Variants in KCNMA1 observed in about 807,000 individuals in gnomAD.
KCNMA1 encodes Calcium-activated potassium channel subunit alpha-1.
Under a neutral mutation model 140.0 loss-of-function variants are expected in KCNMA1, and 29 were observed. That is an observed-to-expected ratio of 0.21 (90% confidence interval 0.15 to 0.28). KCNMA1 has a LOEUF of 0.28. Among genes scored for constraint, KCNMA1 ranks in the 10% least tolerant of loss-of-function variants. The probability of loss-of-function intolerance (pLI) is 1.00; values close to 1 mark genes in which losing one functional copy is unlikely to be tolerated. For missense variants in KCNMA1, 880 were observed against 1,602.2 expected (o/e 0.55, Z 7.70); for synonymous variants, 612 against 611.9 (o/e 1.00, Z 0.00).
intron 2 of KCNMA1, among the ~76,000 whole-genome samples, chr10:77,382,729 G>C (rs916093410): frequency 7.9e-5 from 12 of 151,194 alleles, no homozygotes; most frequent in African/African-American, 2.9e-4. Context: ...GCTCGGTGTG[G>C]TGGTGGGTGC....
intron 23 of KCNMA1, among the ~76,000 whole-genome samples, chr10:76,940,991 G>GGA (rs2061809146): frequency 4.7e-5 from 3 of 63,444 alleles, no homozygotes; most frequent in African/African-American, 1.6e-4. Context: ...GAGAGAAAGA[G>GGA]AGAAAGAAAG....
intron 23 of KCNMA1, among the ~76,000 whole-genome samples, chr10:76,933,790 T>C (rs181009419): frequency 7.4e-4 from 113 of 152,288 alleles, no homozygotes; most frequent in African/African-American, 2.6e-3. Flanking sequence ...ATCCTGCTTT[T>C]CTGGAATTCA....
At chr10:77,476,845 T>C (rs2098290703) in intron 1 of KCNMA1, among the ~76,000 whole-genome samples, 1 of 152,228 alleles carries the variant, frequency 6.6e-6, no homozygotes, top group Admixed American at 6.5e-5. Context: ...TACTGACTTA[T>C]ATGCCATAAA....
At chr10:77,523,952 G>T (rs1353963945) in intron 1 of KCNMA1, among the ~76,000 whole-genome samples, 1 of 152,090 alleles carries the variant, frequency 6.6e-6, no homozygotes, top group Non-Finnish European at 1.5e-5. Flanking sequence ...GAATGTAACT[G>T]GATTGTTTGT....
intron 5 of KCNMA1, among the ~76,000 whole-genome samples, chr10:77,134,154 C>T (rs1564737144): frequency 6.6e-6 from 1 of 151,896 alleles, no homozygotes; most frequent in Non-Finnish European, 1.5e-5. Context: ...ATTATTAGCC[C>T]TCTGAAAAGA....
intron 1 of KCNMA1, among the ~76,000 whole-genome samples, chr10:77,596,512 T>G (rs2080977844): frequency 6.6e-6 from 1 of 152,158 alleles, no homozygotes; most frequent in Non-Finnish European, 1.5e-5. Flanking sequence ...TCCTGCTCCA[T>G]AACATCCGGA....
At chr10:76,920,137 C>T (rs1488155472) in intron 23 of KCNMA1, among the ~76,000 whole-genome samples, 1 of 148,100 alleles carries the variant, frequency 6.8e-6, no homozygotes, top group Non-Finnish European at 1.5e-5. Context: ...GAAAAGGGTT[C>T]CAGGACACTG....
intron 14 of KCNMA1, among the ~76,000 whole-genome samples, chr10:77,047,320 A>G (rs1173283709): frequency 6.6e-6 from 1 of 152,146 alleles, no homozygotes; most frequent in Non-Finnish European, 1.5e-5. Flanking sequence ...ATCAAATGAG[A>G]TTTCTTCCAT....
chr10:77,451,521 G>C (rs73299383), intron 1 of KCNMA1, among the ~76,000 whole-genome samples: 2,447 of 152,320 alleles, frequency 0.016, 71 homozygotes, highest in African/African-American at 0.056. Context: ...CCGAACTACA[G>C]AGGTATGAAT....
At chr10:76,947,101 G>A (rs558764159) in intron 22 of KCNMA1, among the ~76,000 whole-genome samples, 9 of 152,270 alleles carry the variant, frequency 5.9e-5, no homozygotes, top group African/African-American at 1.4e-4. Flanking sequence ...TTGGGAGGCC[G>A]AGGTGGGTGG....
intron 2 of KCNMA1, among the ~76,000 whole-genome samples, chr10:77,395,538 G>A (rs1365079597): frequency 6.6e-6 from 1 of 152,150 alleles, no homozygotes; most frequent in Non-Finnish European, 1.5e-5. Context: ...AAATGAAAAT[G>A]GAAAATGCTG....
intron 2 of KCNMA1, among the ~76,000 whole-genome samples, chr10:77,321,241 C>T (rs1454319521): frequency 6.6e-6 from 1 of 152,216 alleles, no homozygotes; most frequent in East Asian, 1.9e-4. Context: ...CTTCACCCTA[C>T]ATGCCATTCT....
In KCNMA1 at chr10:77,574,260, G is replaced by GTATATA. The variant is rs139904997; in HGVS notation, c.378+62999_378+63004dup. ...TATATATATTAATATCTATGCGTGT[G>GTATATA]TATATATATATATATATAAAATCTA... On this transcript the variant is annotated intron_variant, in intron 1 of 27. Coordinates refer to ENST00000286628, the MANE Select transcript of KCNMA1 (RefSeq NM_001161352.2). 2.5e-3 allele frequency among the ~76,000 whole-genome samples: 365 copies of GTATATA among 148,540 alleles called. 6 individuals carry two copies. In the South Asian group the frequency reaches 0.025, roughly 10 times the overall value.
chr10:76,886,649 A>T lies in KCNMA1; in HGVS notation c.*617T>A, dbSNP rs201449413. ...AAGGCCTTGGTGAGTAACTAAAAAA[A>T]TCACTGATGTTCTCTTGCAACAAGC... On this transcript the variant is annotated 3_prime_UTR_variant, in exon 28 of 28. Coordinates refer to ENST00000286628, the MANE Select transcript of KCNMA1 (RefSeq NM_001161352.2). 2.0e-6 allele frequency: 2 copies of T among 991,468 alleles called. No individual in the cohort carries two copies. The highest frequency in any genetic ancestry group is 5.2e-4 in the Middle Eastern group (1 of 1,920). The allele number at this position is 991,468 out of a possible 1,614,324, so 61.4% of individuals were successfully genotyped here.
chr10:76,935,794 G>A (rs767364323), intron 23 of KCNMA1, among the ~76,000 whole-genome samples: 30 of 152,174 alleles, frequency 2.0e-4, no homozygotes, highest in Non-Finnish European at 3.2e-4. Context: ...GTCACAAGCC[G>A]GGCACAGCCT....
At chr10:76,896,038 T>C (rs1034219485) in intron 25 of KCNMA1, among the ~76,000 whole-genome samples, 2 of 152,206 alleles carry the variant, frequency 1.3e-5, no homozygotes, top group African/African-American at 4.8e-5. Context: ...TCATTGATAA[T>C]CATCTTAACA....
At chr10:77,328,331 C>T (rs1330329219) in intron 2 of KCNMA1, among the ~76,000 whole-genome samples, 1 of 152,190 alleles carries the variant, frequency 6.6e-6, no homozygotes, top group African/African-American at 2.4e-5. Flanking sequence ...CTCAGGCAGG[C>T]AGGTCAAACT....
chr10:77,561,255 A>C (rs1360361643), intron 1 of KCNMA1, among the ~76,000 whole-genome samples: 1 of 152,194 alleles, frequency 6.6e-6, no homozygotes, highest in East Asian at 1.9e-4. Context: ...ATCTCACTTG[A>C]TATAAAATAA....
chr10:77,448,578 G>C (rs912937436), intron 1 of KCNMA1, among the ~76,000 whole-genome samples: 10 of 152,152 alleles, frequency 6.6e-5, no homozygotes, highest in Admixed American at 5.9e-4. Flanking sequence ...TTGAATTCAG[G>C]TCTGTCCAAT....
Sources: allele counts gnomAD v4.1 joint callset (sites outside exome capture counted in the v4.1 genomes callset), GRCh38; gene constraint gnomAD v4.1.1; transcripts MANE v1.5; gene names NCBI Gene and HGNC (gene_info 2026-07-23, HGNC 2026-07-21).